The following EXOC3 variants were observed in gnomAD, a reference collection of about 807,000 sequenced individuals.
EXOC3 encodes the protein exocyst complex component 3.
Under a neutral mutation model 73.7 loss-of-function variants are expected in EXOC3, and 21 were observed. That is an observed-to-expected ratio of 0.29 (90% confidence interval 0.20 to 0.41). EXOC3 has a LOEUF of 0.41. Among genes scored for constraint, EXOC3 ranks in the 10% least tolerant of loss-of-function variants. The pLI is 1.00. For missense variants in EXOC3, 842 were observed against 985.1 expected (o/e 0.85, Z 1.95); for synonymous variants, 410 against 389.1 (o/e 1.05, Z -0.63).
At chr5:452,912 T>G (rs1452766939) in intron 3 of EXOC3, among the ~76,000 whole-genome samples, 2 of 152,122 alleles carry the variant, frequency 1.3e-5, no homozygotes, top group African/African-American at 2.4e-5. Flanking sequence ...TGGAGCTCTG[T>G]GGGGGTGAGG....
chr5:452,056 CTTCATA>C (rs1278557351), intron 3 of EXOC3, among the ~76,000 whole-genome samples: 7 of 152,258 alleles, frequency 4.6e-5, no homozygotes, highest in Admixed American at 4.6e-4. Flanking sequence ...CTTCTTGGAT[CTTCATA>C]TTCATGTCTT....
intron 1 of EXOC3, chr5:445,134 T>C (rs1737468048): frequency 6.6e-6 from 1 of 152,168 alleles, no homozygotes; most frequent in Non-Finnish European, 1.5e-5. Flanking sequence ...GTGTATCGGA[T>C]TCCCTCATTG....
In EXOC3 at chr5:467,030, G is replaced by A; in HGVS notation, c.*132G>A. The A allele has an allele frequency of 2.2e-6, 2 of 915,460 alleles. No homozygotes were observed. The highest frequency in any genetic ancestry group is 3.3e-6 in the Non-Finnish European group (2 of 612,174). 56.7% of individuals were successfully genotyped at this position (915,460 alleles called of 1,614,324 possible). ...ACGGCCTGTCTTTAGGTGCCAGTGT[G>A]ATGCACCGGGTGTGCGTCGAGTGAG... On this transcript the variant is annotated 3_prime_UTR_variant, in exon 13 of 13. Coordinates refer to ENST00000512944, the MANE Select transcript of EXOC3 (RefSeq NM_007277.5).
chr5:443,668 C>T (rs1022299582), intron 1 of EXOC3, among the ~76,000 whole-genome samples: 14 of 151,480 alleles, frequency 9.2e-5, no homozygotes, highest in Admixed American at 6.6e-4. Context: ...GGGCAGATGT[C>T]CCTCCAGGCA....
In EXOC3 at chr5:453,922, A is replaced by T; in HGVS notation, c.917A>T (p.Glu306Val). 1 of 1,613,986 alleles carries T rather than the reference A, an allele frequency of 6.2e-7. No individual in the cohort carries two copies. Among genetic ancestry groups the T allele is most frequent in the Non-Finnish European group, 8.5e-7 (1 of 1,179,892 alleles). ...GTTCAGTGCTTTCCTCCCCACTATG[A>T]GATCTTTAAGAACCTCCTGAACATG... ...LMVQCFPPHY[E>V]IFKNLLNMYH... Residue 306 changes from glutamate to valine, a missense_variant, in exon 4 of 13, where the codon GAG becomes GTG. Transcript: ENST00000512944.
intron 1 of EXOC3, among the ~76,000 whole-genome samples, chr5:444,413 C>A (rs1232249985): frequency 6.6e-6 from 1 of 152,244 alleles, no homozygotes; most frequent in Non-Finnish European, 1.5e-5. Context: ...CACAGCGTGA[C>A]AGACTTCACT....
chr5:457,788 G>T, intron 5 of EXOC3, 112 bp from the exon 6 acceptor site: 1 of 1,177,926 alleles, frequency 8.5e-7, no homozygotes, highest in South Asian at 1.5e-5. Context: ...GGACGCTGGT[G>T]CCCTGTGTCT....
chr5:454,909 T>C (rs1476726084), intron 4 of EXOC3, among the ~76,000 whole-genome samples: 1 of 151,788 alleles, frequency 6.6e-6, no homozygotes, highest in African/African-American at 2.4e-5. Context: ...CATATTTTTT[T>C]GTGTGCTTTG....
At position 464,955 on chromosome 5, in the gene EXOC3, C is replaced by T. The variant is rs1413332890; in HGVS notation, c.1777-156C>T. 6.8e-5 allele frequency: 53 copies of T among 777,986 alleles called. No homozygotes were observed. The Admixed American group carries it at 1.5e-3, about 22-fold the overall frequency. 48.2% of individuals were successfully genotyped at this position (777,986 alleles called of 1,614,324 possible). The stretch of plus-strand genomic sequence containing the variant: ...CTGTTCCCCCACTGAGCCCCCGCTC[C>T]TCCTCTGCGGTGAGATGCCAGAGCC... On this transcript the variant is annotated intron_variant, in intron 10 of 12. Transcript: ENST00000512944.
intron 4 of EXOC3, 140 bp from the exon 5 acceptor site, chr5:456,749 C>T (rs1737828087): frequency 1.4e-6 from 1 of 700,468 alleles, no homozygotes; most frequent in South Asian, 1.7e-5. Flanking sequence ...GCACTTTCCC[C>T]TGAGCTGTGG....
intron 1 of EXOC3, among the ~76,000 whole-genome samples, chr5:444,264 GTCTTC>G (rs1254004022): frequency 2.0e-5 from 3 of 152,244 alleles, no homozygotes; most frequent in African/African-American, 7.2e-5. Context: ...AAAATCTTTA[GTCTTC>G]AGGCTGGGAT....
At chr5:450,059 A>C (rs1737611461) in intron 3 of EXOC3, among the ~76,000 whole-genome samples, 1 of 152,232 alleles carries the variant, frequency 6.6e-6, no homozygotes, top group African/African-American at 2.4e-5. Flanking sequence ...CAGCCCGGCC[A>C]ACATGGTGAA....
intron 5 of EXOC3, 24 bp from the exon 6 acceptor site, chr5:457,876 T>C: frequency 6.3e-7 from 1 of 1,592,922 alleles, no homozygotes; most frequent in South Asian, 1.1e-5. Flanking sequence ...TCTTCTCTTC[T>C]CCATGATGCT....
intron 2 of EXOC3, among the ~76,000 whole-genome samples, chr5:446,577 C>G (rs1737514668): frequency 6.6e-6 from 1 of 152,210 alleles, no homozygotes; most frequent in Non-Finnish European, 1.5e-5. Context: ...CACCCTGAGG[C>G]CGGGTGCGGT....
In EXOC3 at chr5:462,048, A is replaced by G. The variant is rs1336842470; in HGVS notation, c.1480A>G (p.Ile494Val). 6.8e-6 allele frequency: 11 copies of G among 1,610,430 alleles called. No individual in the cohort carries two copies. The highest frequency in any genetic ancestry group is 1.7e-5 in the Admixed American group (1 of 59,390). The change falls in exon 8 of 13, where the codon ATC becomes GTC. Residue 494 changes from isoleucine to valine, a missense_variant. Transcript: ENST00000512944. ...HCYVQYMIAI[I>V]NNCQTFKESI... ...CTACGTTCAGTACATGATCGCCATC[A>G]TCAACAACTGCCAGACCTTCAAGTG... is the stretch of plus-strand genomic sequence containing the variant.
intron 10 of EXOC3, chr5:464,762 A>G: frequency 7.2e-6 from 3 of 416,866 alleles, no homozygotes; most frequent in Non-Finnish European, 8.8e-6. Context: ...TCTTTCCTCC[A>G]AAGTGCCTGC....
intron 1 of EXOC3, chr5:445,055 C>T (rs1207578915): frequency 1.3e-5 from 2 of 152,174 alleles, no homozygotes; most frequent in Non-Finnish European, 2.9e-5. Context: ...ATGAAAAATT[C>T]CAGGAGAAGG....
chr5:466,549 C>G, intron 12 of EXOC3, 178 bp from the exon 13 acceptor site: 1 of 585,736 alleles, frequency 1.7e-6, no homozygotes, highest in South Asian at 2.4e-5. Flanking sequence ...TGAGAAAAGA[C>G]AGAGTAAGAT....
intron 7 of EXOC3, 174 bp downstream of exon 7, chr5:459,633 A>G (rs1353332293): frequency 6.0e-6 from 3 of 497,000 alleles, no homozygotes; most frequent in African/African-American, 5.9e-5. Flanking sequence ...CTTCTGGATC[A>G]TCTTCCCCTT....
Sources: gnomAD v4.1 joint callset for allele counts (sites outside exome capture counted in the v4.1 genomes callset) on GRCh38, gnomAD v4.1.1 for gene constraint, MANE v1.5 for transcripts, NCBI Gene and HGNC (gene_info 2026-07-23, HGNC 2026-07-21) for gene names.